Variants in DCC observed in about 807,000 individuals in gnomAD.
DCC encodes netrin receptor DCC.
In DCC, 58 loss-of-function variants were observed where a neutral mutation model predicts 172.5. The observed-to-expected ratio is 0.34, with a 90% CI of 0.27 to 0.42. The LOEUF is 0.42. DCC is among the 10% of genes least tolerant of loss of function. The pLI, the probability that DCC is intolerant of heterozygous loss-of-function variation, is 1.00. For missense variants in DCC, 1,740 were observed against 1,791.0 expected (o/e 0.97, Z 0.51); for synonymous variants, 709 against 644.5 (o/e 1.10, Z -1.52).
chr18:52,457,277 G>C (rs1305337567), intron 1 of DCC, among the ~76,000 whole-genome samples: 1 of 152,172 alleles, frequency 6.6e-6, no homozygotes, highest in Non-Finnish European at 1.5e-5. Context: ...ACCTAGAGCA[G>C]TGTCTCATAA....
chr18:53,454,638 T>A (rs2045461422), intron 23 of DCC, among the ~76,000 whole-genome samples: 1 of 152,236 alleles, frequency 6.6e-6, no homozygotes, highest in Non-Finnish European at 1.5e-5. Flanking sequence ...AACCACTGGC[T>A]GGCTGGGCCT....
At chr18:52,961,423 A>C (rs1432689132) in intron 5 of DCC, among the ~76,000 whole-genome samples, 1 of 152,188 alleles carries the variant, frequency 6.6e-6, no homozygotes, top group Admixed American at 6.6e-5. Context: ...ATCTATCTTT[A>C]TATGAAAAGT....
intron 8 of DCC, among the ~76,000 whole-genome samples, chr18:53,163,118 C>T (rs1036122968): frequency 9.9e-5 from 15 of 152,140 alleles, no homozygotes; most frequent in Admixed American, 6.5e-4. Flanking sequence ...TGGCTGAGTA[C>T]GTGTGTATTT....
chr18:53,530,581 T>G lies in DCC; in HGVS notation c.4272T>G (p.Asp1424Glu), dbSNP rs748452853. 19 of 1,578,412 alleles carry G rather than the reference T, an allele frequency of 1.2e-5. No homozygotes were observed. Among genetic ancestry groups the G allele is most frequent in the Non-Finnish European group, 1.7e-5 (19 of 1,147,520 alleles). Residue 1424 changes from aspartate to glutamate, a missense_variant, in exon 29 of 29, where the codon GAT becomes GAG. Asp to Glu is a conservative substitution (Grantham distance 45, BLOSUM62 2). This residue lies in a region of DCC where 1,732 missense variants were observed against 1,767.4 expected (regional missense o/e 0.98). Transcript: ENST00000442544. ...CTTTATAGGTGTATGAACAGGATGA[T>G]CTGAGTGAACAAATGGCAAGTTTGG... is the stretch of plus-strand genomic sequence containing the variant. ...EDSANVYEQDDLSEQMASLEG... is the reference protein window; with the variant it reads ...EDSANVYEQDELSEQMASLEG...
At chr18:53,065,031 C>T (rs775995394) in intron 6 of DCC, among the ~76,000 whole-genome samples, 25 of 152,000 alleles carry the variant, frequency 1.6e-4, no homozygotes, top group Non-Finnish European at 2.5e-4. Flanking sequence ...AGGTATTGCC[C>T]GATTTGCATT....
At position 53,065,943 on chromosome 18, in the gene DCC, T is replaced by C. The variant is rs571323797; in HGVS notation, c.1141-103T>C. 45 of 1,409,042 alleles carry C rather than the reference T, an allele frequency of 3.2e-5. 1 individual carries two copies. In the African/African-American group the frequency reaches 6.2e-4, roughly 19 times the overall value. The allele number at this position is 1,409,042 out of a possible 1,614,324, so 87.3% of individuals were successfully genotyped here. Reference sequence around the variant, plus strand: ...ACCCCTCATGGCCTCTCCTCTTGTTTCTTCTGTGCTGTTTTATCAAACTTT... The same window carrying C: ...ACCCCTCATGGCCTCTCCTCTTGTTCCTTCTGTGCTGTTTTATCAAACTTT... On this transcript the variant is annotated intron_variant, in intron 6 of 28. Coordinates refer to ENST00000442544, the MANE Select transcript of DCC (RefSeq NM_005215.4).
intron 21 of DCC, among the ~76,000 whole-genome samples, chr18:53,425,879 T>C (rs1218716835): frequency 6.6e-6 from 1 of 152,158 alleles, no homozygotes; most frequent in Non-Finnish European, 1.5e-5. Context: ...TCCATTTAGT[T>C]CCACAGTCAT....
chr18:52,640,500 A>T (rs952761543), intron 1 of DCC, among the ~76,000 whole-genome samples: 4 of 152,168 alleles, frequency 2.6e-5, no homozygotes, highest in African/African-American at 9.7e-5. Flanking sequence ...CTGATAAAAG[A>T]ATTCAGCAAA....
chr18:53,180,904 C>T (rs539489089), intron 9 of DCC, among the ~76,000 whole-genome samples: 3 of 152,214 alleles, frequency 2.0e-5, no homozygotes, highest in East Asian at 1.9e-4. Context: ...GGAGCCATCG[C>T]GCCCAGCCCA....
At chr18:52,991,706 A>AAACTAGATCATAT (rs2041394720) in intron 5 of DCC, among the ~76,000 whole-genome samples, 1 of 152,142 alleles carries the variant, frequency 6.6e-6, no homozygotes, top group Non-Finnish European at 1.5e-5. Context: ...TCTAAAGTGC[A>AAACTAGATCATAT]CTAGTTATTT....
At chr18:52,983,881 ATGAC>A (rs1243163552) in intron 5 of DCC, among the ~76,000 whole-genome samples, 1 of 152,170 alleles carries the variant, frequency 6.6e-6, no homozygotes, top group Admixed American at 6.6e-5. Flanking sequence ...GGAGAAAAAA[ATGAC>A]TGGTCGTTTT....
intron 12 of DCC, among the ~76,000 whole-genome samples, chr18:53,228,660 C>T (rs930989360): frequency 6.6e-6 from 1 of 152,106 alleles, no homozygotes; most frequent in African/African-American, 2.4e-5. Flanking sequence ...CATTTTCTGA[C>T]TATACTTAAC....
intron 7 of DCC, among the ~76,000 whole-genome samples, chr18:53,126,541 G>A (rs766615899): frequency 8.3e-4 from 126 of 152,138 alleles, no homozygotes; most frequent in Middle Eastern, 3.2e-3. Context: ...ACAGTTGGGG[G>A]AAAGTGGAGC....
At chr18:53,112,523 G>A (rs764796310) in intron 7 of DCC, among the ~76,000 whole-genome samples, 1 of 151,510 alleles carries the variant, frequency 6.6e-6, no homozygotes, top group Non-Finnish European at 1.5e-5. Context: ...GCTGCATTGA[G>A]TGTGGGTGAC....
chr18:53,079,174 T>G (rs1435095940), intron 7 of DCC, among the ~76,000 whole-genome samples: 1 of 152,166 alleles, frequency 6.6e-6, no homozygotes, highest in Non-Finnish European at 1.5e-5. Context: ...TTGCCTTGTC[T>G]TCTTGATTTC....
intron 1 of DCC, among the ~76,000 whole-genome samples, chr18:52,530,299 A>T (rs2032110568): frequency 6.6e-6 from 1 of 152,214 alleles, no homozygotes; most frequent in Non-Finnish European, 1.5e-5. Context: ...GAGCTGTATG[A>T]GGCTGACAGC....
chr18:52,620,241 G>C (rs1005471287), intron 1 of DCC, among the ~76,000 whole-genome samples: 1 of 152,210 alleles, frequency 6.6e-6, no homozygotes, highest in African/African-American at 2.4e-5. Context: ...TCTGTGAAGG[G>C]AGGAGGTTGG....
chr18:52,802,480 A>ATT (rs36091981), intron 2 of DCC, among the ~76,000 whole-genome samples: 84 of 145,864 alleles, frequency 5.8e-4, no homozygotes, highest in East Asian at 1.8e-3. Flanking sequence ...ACTCCCAGCA[A>ATT]TTTTTTTTTT....
chr18:52,472,440 T>C (rs577056353), intron 1 of DCC, among the ~76,000 whole-genome samples: 9 of 152,342 alleles, frequency 5.9e-5, no homozygotes, highest in Middle Eastern at 3.4e-3. Flanking sequence ...AGTGTTACTG[T>C]TGGAGTACGT....
Sources: allele counts gnomAD v4.1 joint callset (sites outside exome capture counted in the v4.1 genomes callset), GRCh38; gene constraint gnomAD v4.1.1; regional missense constraint gnomAD v4.1.1; transcripts MANE v1.5; gene names NCBI Gene and HGNC (gene_info 2026-07-23, HGNC 2026-07-21).